Variants in NRG1 observed in about 807,000 individuals in gnomAD.
NRG1 encodes pro-neuregulin-1, membrane-bound isoform.
In NRG1, 18 loss-of-function variants were observed where a neutral mutation model predicts 63.8. The observed-to-expected ratio is 0.28, with a 90% CI of 0.19 to 0.42. The LOEUF (loss-of-function observed/expected upper bound fraction) is 0.42. NRG1 is among the 10% of genes least tolerant of loss of function. NRG1 has a pLI of 1.00. For missense variants in NRG1, 762 were observed against 814.7 expected, an observed-to-expected ratio of 0.94 and a Z score of 0.79; for synonymous variants, 302 against 301.3, an observed-to-expected ratio of 1.00 and a Z score of -0.02.
intron 1 of NRG1, among the ~76,000 whole-genome samples, chr8:32,443,266 G>A (rs1587685002): frequency 6.6e-6 from 1 of 152,084 alleles, no homozygotes; most frequent in African/African-American, 2.4e-5. Flanking sequence ...TATGCTAAAT[G>A]TCCGAGCCTT....
At position 32,184,567 on chromosome 8, in the gene NRG1, T is replaced by C. The variant is rs150701899; in HGVS notation, c.38-411261T>C. On this transcript the variant is annotated intron_variant, in intron 1 of 10. Transcript: ENST00000519301. ...GGGATAACATTTAAACTGAGATAGC[T>C]ACTATTTTTTTTTAATATATGTTTA... 4.1e-4 allele frequency among the ~76,000 whole-genome samples: 62 copies of C among 152,136 alleles called. 1 individual carries two copies. In the East Asian group the frequency reaches 8.9e-3, roughly 22 times the overall value.
chr8:32,579,750 A>G (rs1487723539), intron 1 of NRG1, among the ~76,000 whole-genome samples: 1 of 152,200 alleles, frequency 6.6e-6, no homozygotes, highest in African/African-American at 2.4e-5. Flanking sequence ...GTAACAAATT[A>G]CCACAAACTT....
At chr8:32,628,034 A>T (rs1466300748) in intron 5 of NRG1, among the ~76,000 whole-genome samples, 1 of 152,228 alleles carries the variant, frequency 6.6e-6, no homozygotes, top group East Asian at 1.9e-4. Context: ...ATAAAAATCC[A>T]TTTCTTTCAC....
intron 1 of NRG1, among the ~76,000 whole-genome samples, chr8:32,224,591 A>G (rs1466310878): frequency 6.6e-6 from 1 of 152,220 alleles, no homozygotes; most frequent in Non-Finnish European, 1.5e-5. Flanking sequence ...GTATTACAGG[A>G]AAGTAATCAA....
At chr8:32,219,476 C>T (rs1027551262) in intron 1 of NRG1, among the ~76,000 whole-genome samples, 2 of 152,192 alleles carry the variant, frequency 1.3e-5, no homozygotes, top group African/African-American at 4.8e-5. Flanking sequence ...TGCTTTTCTT[C>T]TCCCTTCAAT....
At chr8:32,180,402 T>A (rs1177986361) in intron 1 of NRG1, among the ~76,000 whole-genome samples, 1 of 152,152 alleles carries the variant, frequency 6.6e-6, no homozygotes, top group East Asian at 1.9e-4. Flanking sequence ...TTTAAATGCA[T>A]GTTTAAAATA....
At chr8:32,045,885 G>A (rs952729782) in intron 1 of NRG1, among the ~76,000 whole-genome samples, 1 of 151,868 alleles carries the variant, frequency 6.6e-6, no homozygotes, top group Admixed American at 6.6e-5. Context: ...CTAGAGTTAG[G>A]GAGTGAGTTT....
chr8:32,244,981 G>A (rs982272478), intron 1 of NRG1, among the ~76,000 whole-genome samples: 2 of 152,126 alleles, frequency 1.3e-5, no homozygotes, highest in Admixed American at 6.6e-5. Context: ...AGTACCGTTC[G>A]TTGAGTTTCT....
intron 2 of NRG1, among the ~76,000 whole-genome samples, chr8:32,598,958 A>G (rs947983106): frequency 3.9e-5 from 6 of 152,074 alleles, no homozygotes; most frequent in African/African-American, 1.2e-4. Context: ...ATATCCTGAA[A>G]ATGAAGGAAG....
chr8:32,419,410 A>G (rs529013311), intron 1 of NRG1, among the ~76,000 whole-genome samples: 1 of 152,194 alleles, frequency 6.6e-6, no homozygotes, highest in Non-Finnish European at 1.5e-5. Context: ...CCACAACTAC[A>G]ATGACCAGTA....
chr8:32,013,299 G>A (rs1407670320), intron 1 of NRG1, among the ~76,000 whole-genome samples: 2 of 152,040 alleles, frequency 1.3e-5, no homozygotes, highest in Admixed American at 1.3e-4. Context: ...TGAGATACCA[G>A]CAGCAGGAAG....
intron 1 of NRG1, among the ~76,000 whole-genome samples, chr8:31,881,002 C>T (rs2129612712): frequency 6.6e-6 from 1 of 152,076 alleles, no homozygotes; most frequent in African/African-American, 2.4e-5. Context: ...AAACAGAGTC[C>T]CACAACTTTG....
intron 1 of NRG1, among the ~76,000 whole-genome samples, chr8:32,353,375 A>C (rs1043786251): frequency 6.6e-6 from 1 of 151,594 alleles, no homozygotes; most frequent in Non-Finnish European, 1.5e-5. Context: ...ATGTATAATA[A>C]AACTGTAAAT....
intron 1 of NRG1, among the ~76,000 whole-genome samples, chr8:32,023,260 T>C (rs367833435): frequency 1.1e-4 from 16 of 152,334 alleles, no homozygotes; most frequent in African/African-American, 2.9e-4. Flanking sequence ...GAAACGCAGT[T>C]CAAGAAATGG....
At chr8:32,098,115 C>T (rs1830115349) in intron 1 of NRG1, among the ~76,000 whole-genome samples, 1 of 149,898 alleles carries the variant, frequency 6.7e-6, no homozygotes, top group South Asian at 2.1e-4. Context: ...AAAAAGCAAT[C>T]AGTACGGTGG....
chr8:31,654,724 G>A (rs994062701), intron 1 of NRG1, among the ~76,000 whole-genome samples: 1 of 152,320 alleles, frequency 6.6e-6, no homozygotes, highest in East Asian at 1.9e-4. Flanking sequence ...AATCGCCTGA[G>A]GCCAGGAGTC....
At chr8:32,238,162 A>T (rs1847754462) in intron 1 of NRG1, among the ~76,000 whole-genome samples, 1 of 152,122 alleles carries the variant, frequency 6.6e-6, no homozygotes, top group African/African-American at 2.4e-5. Context: ...CTCAAAAATT[A>T]AAAAATCCTT....
At chr8:32,152,428 C>T (rs1232978222) in intron 1 of NRG1, among the ~76,000 whole-genome samples, 2 of 152,024 alleles carry the variant, frequency 1.3e-5, no homozygotes, top group African/African-American at 4.8e-5. Flanking sequence ...GATTTAAAAC[C>T]TTGGTTTTAG....
At chr8:32,033,224 A>G (rs959939284) in intron 1 of NRG1, among the ~76,000 whole-genome samples, 3 of 151,666 alleles carry the variant, frequency 2.0e-5, no homozygotes, top group African/African-American at 7.3e-5. Flanking sequence ...CCTCCCGAGT[A>G]GATGGGACTA....
Sources: allele counts gnomAD v4.1 joint callset (sites outside exome capture counted in the v4.1 genomes callset), GRCh38; gene constraint gnomAD v4.1.1; transcripts MANE v1.5; gene names NCBI Gene and HGNC (gene_info 2026-07-23, HGNC 2026-07-21).